ACBD5: variants seen among roughly 807,000 people sequenced by gnomAD.
ACBD5 encodes the protein acyl-CoA-binding domain-containing protein 5.
A neutral mutation model predicts 71.8 loss-of-function variants in ACBD5; 40 were observed. The observed-to-expected ratio is 0.56, with a 90% confidence interval of 0.43 to 0.72. ACBD5 has a LOEUF of 0.72. Ranked by LOEUF, ACBD5 falls within the 30% of genes least tolerant of loss-of-function variation. The pLI, the probability that ACBD5 is intolerant of heterozygous loss-of-function variation, is 0.00. For missense variants in ACBD5, 559 were observed against 644.5 expected (o/e 0.87, Z 1.44); for synonymous variants, 229 against 218.6 (o/e 1.05, Z -0.42).
At chr10:27,202,366 A>G (rs1259175048) in intron 12 of ACBD5, among the ~76,000 whole-genome samples, 3 of 152,208 alleles carry the variant, frequency 2.0e-5, no homozygotes. Flanking sequence ...AGGATCAAAC[A>G]GTTAACATAC....
At chr10:27,223,266 T>C (rs772293950) in intron 5 of ACBD5, 72 bp downstream of exon 5, 1 of 1,159,010 alleles carries the variant, frequency 8.6e-7, no homozygotes, top group East Asian at 2.4e-5. Flanking sequence ...AGAAAAAAAA[T>C]CAGAGATACA....
At chr10:27,201,365 A>G (rs2059911633) in intron 12 of ACBD5, among the ~76,000 whole-genome samples, 1 of 152,218 alleles carries the variant, frequency 6.6e-6, no homozygotes, top group Admixed American at 6.6e-5. Context: ...CCTATCACAT[A>G]CAGAATTTTC....
chr10:27,209,053 C>A (rs968657215), intron 9 of ACBD5, among the ~76,000 whole-genome samples: 1 of 151,808 alleles, frequency 6.6e-6, no homozygotes, highest in Admixed American at 6.6e-5. Flanking sequence ...CTCAAAAATT[C>A]TTTACTAATA....
intron 13 of ACBD5, among the ~76,000 whole-genome samples, chr10:27,189,335 T>C (rs2058961207): frequency 6.6e-6 from 1 of 152,216 alleles, no homozygotes; most frequent in Admixed American, 6.5e-5. Context: ...TATATACAGT[T>C]TGTATTAATA....
At chr10:27,217,845 G>T (rs2061843605) in intron 7 of ACBD5, 135 bp downstream of exon 7, 2 of 842,764 alleles carry the variant, frequency 2.4e-6, no homozygotes, top group Non-Finnish European at 3.7e-6. Context: ...AACTATAAAT[G>T]CTTATAATAT....
chr10:27,202,157 A>G (rs1358831140), intron 12 of ACBD5, among the ~76,000 whole-genome samples: 1 of 152,168 alleles, frequency 6.6e-6, no homozygotes, highest in East Asian at 1.9e-4. Flanking sequence ...TCCTTTAACT[A>G]TCAGATTAAA....
rs548994892 is a variant in ACBD5 at position 27,234,591 on chromosome 10, T to C, written c.302+501A>G. Among the ~76,000 whole-genome samples, 75 of 152,286 alleles carry C rather than the reference T, an allele frequency of 4.9e-4. 1 individual carries two copies. The Middle Eastern group carries it at 0.017, about 35-fold the overall frequency. On this transcript the variant is annotated intron_variant, in intron 3 of 12. Transcript: ENST00000396271. ...ACCTATCCCTTTTGGTTTTACTGTT[T>C]TCCTCTCCTCCCCAAGATTTTCCTA... is the stretch of plus-strand genomic sequence containing the variant.
At position 27,230,796 on chromosome 10, in the gene ACBD5, C is replaced by CAAAAAAAAA. The variant is rs10625879; in HGVS notation, c.375+943_375+951dup. Among the ~76,000 whole-genome samples, 6 of 112,006 alleles carry CAAAAAAAAA rather than the reference C, an allele frequency of 5.4e-5. 1 individual carries two copies. Among genetic ancestry groups the CAAAAAAAAA allele is most frequent in the Admixed American group, 9.8e-5 (1 of 10,166 alleles). 73.5% of individuals were successfully genotyped at this position (112,006 alleles called of 152,430 possible). ...CGGGTAACAGAGTGAGACTCCATCT[C>CAAAAAAAAA]AAAAAAAAAAAAAAAAAGACTCTAT... is the stretch of plus-strand genomic sequence containing the variant. On this transcript the variant is annotated intron_variant, in intron 4 of 12. Transcript: ENST00000396271.
chr10:27,196,726 T>A lies in ACBD5; in HGVS notation c.*704A>T. On this transcript the variant is annotated 3_prime_UTR_variant, in exon 13 of 13. Coordinates refer to ENST00000396271, the MANE Select transcript of ACBD5 (RefSeq NM_145698.5). ...AATCATCTACAGGCTCAGAATACAC[T>A]TTTAAACCTACATGAAGCTCATTCT... 2.2e-6 allele frequency: 1 copy of A among 454,460 alleles called. No individual in the cohort carries two copies. Among genetic ancestry groups the A allele is most frequent in the Non-Finnish European group, 4.4e-6 (1 of 226,780 alleles). 28.2% of individuals were successfully genotyped at this position (454,460 alleles called of 1,614,324 possible).
Position 27,240,675 on chromosome 10 carries a change from G to A in ACBD5, c.14C>T (p.Ser5Leu), listed in dbSNP as rs906916661. The A allele has an allele frequency of 3.4e-5, 53 of 1,550,884 alleles. No homozygotes were observed. The highest frequency in any genetic ancestry group is 4.5e-5 in the Non-Finnish European group (52 of 1,146,988). The change falls in exon 1 of 13, where the codon TCG (serine) becomes TTG (leucine). Residue 5 changes from serine (S) to leucine (L), a missense_variant and splice_region_variant. Transcript: ENST00000396271. This position sits in a 1 kb window ranked among gnomAD's most constrained non-coding sequence, Gnocchi z 4.1. ...CGCGACGACAGCAAAACAACTCACC[G>A]AGAGGAAGAGCATGTCTAGCAGAAG... MLFL[S>L]FHAGSWESWC...
chr10:27,205,183 T>A lies in ACBD5; in HGVS notation c.1455+15A>T, dbSNP rs774011677. The A allele has an allele frequency of 2.2e-5, 36 of 1,610,272 alleles. No individual in the cohort carries two copies. Among genetic ancestry groups the A allele is most frequent in the East Asian group, 6.7e-5 (3 of 44,812 alleles). ...ATGAAACCCTGGCATTTAAATTTTT[T>A]AAAAAATGTCTTACCTGTGAGGTGG... On this transcript the variant is annotated intron_variant, in intron 11 of 12. Coordinates refer to ENST00000396271, the MANE Select transcript of ACBD5 (RefSeq NM_145698.5).
chr10:27,185,324 C>A (rs61700379), intron 13 of ACBD5, among the ~76,000 whole-genome samples: 15,327 of 152,074 alleles, frequency 0.1, 2,526 homozygotes, highest in African/African-American at 0.35. Context: ...TCCCCTGAGT[C>A]AGGGATTCTT....
rs748060751 is a variant in ACBD5, at chr10:27,208,392, C to T, written c.1258G>A (p.Gly420Arg). Residue 420 changes from glycine to arginine, a missense_variant, in exon 10 of 13, where the codon GGA (glycine) becomes AGA (arginine). Transcript: ENST00000396271. ...GAGCCCCAGCGCTCCCCATCACCTC[C>T]ACTTCCCACCTGCCGGCCCTTGGTT... Reference protein sequence around the residue: ...EGTKGRQVGSGGDGERWGSDR... With the variant: ...EGTKGRQVGSRGDGERWGSDR... The T allele has an allele frequency of 1.9e-6, 3 of 1,614,170 alleles. No homozygotes were observed. Among genetic ancestry groups the T allele is most frequent in the Admixed American group, 1.7e-5 (1 of 60,016 alleles).
chr10:27,210,691 G>A (rs1394830787), intron 9 of ACBD5, 123 bp downstream of exon 9: 3 of 1,291,628 alleles, frequency 2.3e-6, no homozygotes, highest in Non-Finnish European at 3.3e-6. Flanking sequence ...CCGGGAGGCA[G>A]AGGTTGCAGT....
chr10:27,192,834 G>A (rs1329995821), downstream of ACBD5, among the ~76,000 whole-genome samples: 2 of 151,816 alleles, frequency 1.3e-5, no homozygotes, highest in African/African-American at 4.8e-5. Context: ...GCCGGGCGTG[G>A]TGGCGGGCGC....
rs1291100895 is a variant in ACBD5, at chr10:27,196,684, T to G, written c.*746A>C. ...TTACAAAGGAATACATTTATATGATTGAATAAAAACCTGATTAATCATCTA... is the reference window on the plus strand; with the variant it reads ...TTACAAAGGAATACATTTATATGATGGAATAAAAACCTGATTAATCATCTA... On this transcript the variant is annotated 3_prime_UTR_variant, in exon 13 of 13. Transcript: ENST00000396271. 2.2e-6 allele frequency: 1 copy of G among 454,528 alleles called. No homozygotes were observed. Among genetic ancestry groups the G allele is most frequent in the South Asian group, 1.6e-5 (1 of 64,480 alleles). 28.2% of individuals were successfully genotyped at this position (454,528 alleles called of 1,614,324 possible).
chr10:27,214,245 T>G (rs2061399898), intron 8 of ACBD5, among the ~76,000 whole-genome samples: 1 of 152,172 alleles, frequency 6.6e-6, no homozygotes, highest in Non-Finnish European at 1.5e-5. Context: ...AATTGGAATG[T>G]TTGGAACACA....
In ACBD5 at chr10:27,240,450, C is replaced by A. The variant is rs1331315064; in HGVS notation, c.50G>T (p.Cys17Phe). 1 of 1,613,744 alleles carries A rather than the reference C, an allele frequency of 6.2e-7. No individual in the cohort carries two copies. Among genetic ancestry groups the A allele is most frequent in the Admixed American group, 1.7e-5 (1 of 59,960 alleles). ...HAGSWESWCC[C>F]CLIPADRPWD... Reference sequence around the variant, plus strand: ...AGGTCTGTCGGCGGGAATCAGGCAGCAGCAGCACCAGCTTTCCCAAGAGCC... The same window carrying A: ...AGGTCTGTCGGCGGGAATCAGGCAGAAGCAGCACCAGCTTTCCCAAGAGCC... The change falls in exon 2 of 13, where the codon TGC becomes TTC. Residue 17 changes from cysteine to phenylalanine, a missense_variant. Coordinates refer to ENST00000396271, the MANE Select transcript of ACBD5 (RefSeq NM_145698.5). The surrounding 1 kb of genome is among the most constrained non-coding windows in gnomAD (Gnocchi z 4.1).
Position 27,218,679 on chromosome 10 carries a change from G to A in ACBD5, c.626-496C>T, listed in dbSNP as rs188727696. ...TGGCTCACTGCAAATTCTGCCTCCC[G>A]GGTTCAAGTGATTCTCCTGCCTCAG... On this transcript the variant is annotated intron_variant, in intron 6 of 12. Transcript: ENST00000396271. 1.3e-3 allele frequency among the ~76,000 whole-genome samples: 192 copies of A among 151,594 alleles called. 1 individual carries two copies. The highest frequency in any genetic ancestry group is 4.3e-3 in the African/African-American group (177 of 41,286).
Sources: gnomAD v4.1 joint callset for allele counts (sites outside exome capture counted in the v4.1 genomes callset) on GRCh38, gnomAD v4.1.1 for gene constraint, Gnocchi (gnomAD v3.1) non-coding constraint, MANE v1.5 for transcripts, NCBI Gene and HGNC (gene_info 2026-07-23, HGNC 2026-07-21) for gene names.